The following ZNF287 variants were observed in gnomAD, a reference collection of about 807,000 sequenced individuals.
The protein encoded by ZNF287 is zinc finger protein with KRAB and SCAN domains 13.
A neutral mutation model predicts 73.7 loss-of-function variants in ZNF287; 31 were observed. The ratio of observed to expected loss-of-function variants is 0.42; its 90% confidence interval spans 0.32 to 0.57. The LOEUF (loss-of-function observed/expected upper bound fraction) is 0.57, where lower values mean the gene tolerates loss of function less well. Among genes scored for constraint, ZNF287 ranks in the 20% least tolerant of loss-of-function variants. The pLI is 0.13. For missense variants in ZNF287, 641 were observed against 909.3 expected, an observed-to-expected ratio of 0.70 and a Z score of 3.79; for synonymous variants, 301 against 307.2, an observed-to-expected ratio of 0.98 and a Z score of 0.21.
At chr17:16,568,540 C>G (rs1005998218) in intron 1 of ZNF287, among the ~76,000 whole-genome samples, 1 of 152,152 alleles carries the variant, frequency 6.6e-6, no homozygotes, top group Non-Finnish European at 1.5e-5. Flanking sequence ...GGGATATATT[C>G]GAAACCAGGA....
At chr17:16,555,640 A>ACACACACC (rs1258986466) in intron 5 of ZNF287, among the ~76,000 whole-genome samples, 5 of 147,572 alleles carry the variant, frequency 3.4e-5, no homozygotes, top group African/African-American at 1.3e-4. Context: ...ACACACACAC[A>ACACACACC]CCCCAAACCA....
At position 16,547,115 on chromosome 17, in the gene ZNF287, G is replaced by C. The variant is rs771545950; in HGVS notation, c.*4741C>G. Among the ~76,000 whole-genome samples the C allele has an allele frequency of 6.6e-6, 1 of 152,176 alleles. No homozygotes were observed. The highest frequency in any genetic ancestry group is 1.5e-5 in the Non-Finnish European group (1 of 68,038). On this transcript the variant is annotated 3_prime_UTR_variant, in exon 6 of 6. Transcript: ENST00000395825. ...AGAAGACAAAGAATGAAACATAACA[G>C]CCTTAAAGTTTTAGAGACCAAATAA... is the stretch of plus-strand genomic sequence containing the variant.
In ZNF287 at chr17:16,546,995, T is replaced by C. The variant is rs1906300926; in HGVS notation, c.*4861A>G. Among the ~76,000 whole-genome samples the C allele has an allele frequency of 2.6e-5, 4 of 152,210 alleles. No homozygotes were observed. In the South Asian group the frequency reaches 8.3e-4, roughly 31 times the overall value. Reference sequence around the variant, plus strand: ...GCCATTTTTAATGGTTATAGTGTTCTAAGGGGCTAATAATTATGAAAGATA... The same window carrying C: ...GCCATTTTTAATGGTTATAGTGTTCCAAGGGGCTAATAATTATGAAAGATA... On this transcript the variant is annotated 3_prime_UTR_variant, in exon 6 of 6. Transcript: ENST00000395825.
intron 5 of ZNF287, among the ~76,000 whole-genome samples, chr17:16,559,464 A>G (rs1233021337): frequency 6.6e-6 from 1 of 152,156 alleles, no homozygotes; most frequent in Non-Finnish European, 1.5e-5. Flanking sequence ...TATTCACTGT[A>G]TAAGAAAGGA....
Position 16,560,513 on chromosome 17 carries a change from C to G in ZNF287, c.715+2633G>C, listed in dbSNP as rs1027141271. Among the ~76,000 whole-genome samples, 22 of 151,170 alleles carry G rather than the reference C, an allele frequency of 1.5e-4. No homozygotes were observed. The East Asian group carries it at 1.6e-3, about 11-fold the overall frequency. On this transcript the variant is annotated intron_variant, in intron 5 of 5. Coordinates refer to ENST00000395825, the MANE Select transcript of ZNF287 (RefSeq NM_020653.4). ...TACAGGCACCCACCACCACGCCCAGCTAATTTTTGTATTTTCAGTAGAGAC... is the reference window on the plus strand; with the variant it reads ...TACAGGCACCCACCACCACGCCCAGGTAATTTTTGTATTTTCAGTAGAGAC...
rs1418847763 is a variant in ZNF287 at position 16,551,899 on chromosome 17, A to G, written c.2243T>C (p.Ile748Thr). Residue 748 changes from isoleucine to threonine, a missense_variant, in exon 6 of 6, where the codon ATT (isoleucine) becomes ACT (threonine). Physicochemically the swap from Ile to Thr is moderately conservative, Grantham distance 89. Coordinates refer to ENST00000395825, the MANE Select transcript of ZNF287 (RefSeq NM_020653.4). ...GKTFTQSTNL[I>T]QHQRVHTGAK... Reference sequence around the variant, plus strand: ...ACCTGTATGAACACGTTGATGCTGAATAAGGTTTGTACTCTGGGTGAAGGT... The same window carrying G: ...ACCTGTATGAACACGTTGATGCTGAGTAAGGTTTGTACTCTGGGTGAAGGT... 1 of 1,611,978 alleles carries G rather than the reference A, an allele frequency of 6.2e-7. No individual in the cohort carries two copies. Among genetic ancestry groups the G allele is most frequent in the Non-Finnish European group, 8.5e-7 (1 of 1,178,688 alleles).
At chr17:16,566,457 G>T in intron 3 of ZNF287, 68 bp downstream of exon 3, 1 of 1,328,332 alleles carries the variant, frequency 7.5e-7, no homozygotes, top group Non-Finnish European at 1.1e-6. Flanking sequence ...TAGTTATAGG[G>T]CCAGGTCAGA....
In ZNF287 at chr17:16,567,496, C is replaced by T; in HGVS notation, c.236G>A (p.Arg79Lys). Residue 79 changes from arginine (R) to lysine (K), a missense_variant, in exon 2 of 6, where the codon AGA (arginine) becomes AAA (lysine). Coordinates refer to ENST00000395825, the MANE Select transcript of ZNF287 (RefSeq NM_020653.4). ...QLRELCLKWL[R>K]PEIHSKEQIL... ...TTGTTCCTTTGAGTGAATCTCAGGTCTCAGCCACTTAAGGCAGAGCTCTCG... is the reference window on the plus strand; with the variant it reads ...TTGTTCCTTTGAGTGAATCTCAGGTTTCAGCCACTTAAGGCAGAGCTCTCG... The T allele has an allele frequency of 6.2e-7, 1 of 1,614,206 alleles. No individual in the cohort carries two copies. Among genetic ancestry groups the T allele is most frequent in the South Asian group, 1.1e-5 (1 of 91,088 alleles).
Position 16,554,971 on chromosome 17 carries a change from T to C in ZNF287, c.716-1545A>G, listed in dbSNP as rs190585576. ...AGGTTGAATTATGTAGGAAATTGCCTTTTTTTATAGGTCAAAATGGCTGAA... is the reference window on the plus strand; with the variant it reads ...AGGTTGAATTATGTAGGAAATTGCCCTTTTTTATAGGTCAAAATGGCTGAA... On this transcript the variant is annotated intron_variant, in intron 5 of 5. Coordinates refer to ENST00000395825, the MANE Select transcript of ZNF287 (RefSeq NM_020653.4). 3.8e-5 allele frequency among the ~76,000 whole-genome samples: 5 copies of C among 131,318 alleles called. No homozygotes were observed. The East Asian group carries it at 5.8e-4, about 15-fold the overall frequency. 86.1% of individuals were successfully genotyped at this position (131,318 alleles called of 152,430 possible).
chr17:16,547,542 C>T lies in ZNF287; in HGVS notation c.*4314G>A, dbSNP rs1233498326. Among the ~76,000 whole-genome samples the T allele has an allele frequency of 2.0e-5, 3 of 152,158 alleles. No individual in the cohort carries two copies. The highest frequency in any genetic ancestry group is 7.2e-5 in the African/African-American group (3 of 41,416). ...TTATCCCAGTTATGTAATTATATCC[C>T]TCATTACACAGATATTAGGTAACTG... is the stretch of plus-strand genomic sequence containing the variant. On this transcript the variant is annotated 3_prime_UTR_variant, in exon 6 of 6. Transcript: ENST00000395825.
intron 5 of ZNF287, among the ~76,000 whole-genome samples, chr17:16,555,348 C>A (rs367877034): frequency 6.6e-6 from 1 of 152,110 alleles, no homozygotes; most frequent in South Asian, 2.1e-4. Context: ...GTCATACATG[C>A]AGTTTGTTGT....
chr17:16,567,988 TAC>T (rs1054824747), intron 1 of ZNF287, 59 bp from the exon 2 acceptor site: 4 of 1,297,594 alleles, frequency 3.1e-6, no homozygotes, highest in Non-Finnish European at 3.9e-6. Flanking sequence ...ACTATACATA[TAC>T]ACACACAGAA....
chr17:16,566,050 G>A (rs1374379844), intron 3 of ZNF287, among the ~76,000 whole-genome samples: 2 of 152,130 alleles, frequency 1.3e-5, no homozygotes, highest in African/African-American at 4.8e-5. Flanking sequence ...TTAACTACTT[G>A]TTAATGAGGA....
chr17:16,560,862 G>T (rs1046685339), intron 5 of ZNF287, among the ~76,000 whole-genome samples: 1 of 151,234 alleles, frequency 6.6e-6, no homozygotes, highest in East Asian at 2.0e-4. Context: ...AATTAGCTGG[G>T]TGTAGTGGCG....
intron 5 of ZNF287, chr17:16,557,891 G>C (rs1472899311): frequency 6.6e-6 from 1 of 152,122 alleles, no homozygotes; most frequent in Non-Finnish European, 1.5e-5. Context: ...TCTCAGTCTT[G>C]GTGCTCTTTG....
chr17:16,560,556 G>A (rs1430380126), intron 5 of ZNF287, among the ~76,000 whole-genome samples: 3 of 151,116 alleles, frequency 2.0e-5, no homozygotes, highest in South Asian at 2.1e-4. Flanking sequence ...CACTGTGTTG[G>A]CCAGGCTGGT....
At chr17:16,560,872 G>A (rs1158476876) in intron 5 of ZNF287, among the ~76,000 whole-genome samples, 8 of 150,972 alleles carry the variant, frequency 5.3e-5, no homozygotes, top group Admixed American at 6.6e-5. Context: ...GTGTAGTGGC[G>A]GGTGCCTGTC....
rs1465695315 is a variant in ZNF287 at position 16,547,489 on chromosome 17, C to CA, written c.*4366dup. Among the ~76,000 whole-genome samples, 4 of 152,256 alleles carry CA rather than the reference C, an allele frequency of 2.6e-5. No individual in the cohort carries two copies. In the East Asian group the frequency reaches 7.7e-4, roughly 29 times the overall value. ...CTCTCCAATTTAGGTGCATGCTTAA[C>CA]AAGATTTAGTTGTTTGCACCCGAAA... is the stretch of plus-strand genomic sequence containing the variant. On this transcript the variant is annotated 3_prime_UTR_variant, in exon 6 of 6. Coordinates refer to ENST00000395825, the MANE Select transcript of ZNF287 (RefSeq NM_020653.4).
chr17:16,568,679 G>A (rs1465509969), intron 1 of ZNF287: 1 of 152,284 alleles, frequency 6.6e-6, no homozygotes, highest in Non-Finnish European at 1.5e-5. Flanking sequence ...AAGGCCCTGC[G>A]GAGGTGATGC....
Sources: gnomAD v4.1 joint callset for allele counts (sites outside exome capture counted in the v4.1 genomes callset) on GRCh38, gnomAD v4.1.1 for gene constraint, MANE v1.5 for transcripts, NCBI Gene and HGNC (gene_info 2026-07-23, HGNC 2026-07-21) for gene names.